Variants in LNX1 observed in about 807,000 individuals in gnomAD.
LNX1 encodes the protein E3 ubiquitin-protein ligase LNX.
In LNX1, 54 loss-of-function variants were observed where a neutral mutation model predicts 68.4. The observed-to-expected ratio is 0.79, with a 90% CI of 0.63 to 0.99. LNX1 has a LOEUF of 0.99. LNX1 is among the 50% of genes least tolerant of loss of function. The pLI is 0.00. For missense variants in LNX1, 906 were observed against 926.4 expected, an observed-to-expected ratio of 0.98 and a Z score of 0.29; for synonymous variants, 336 against 350.0, an observed-to-expected ratio of 0.96 and a Z score of 0.45.
chr4:53,564,684 C>A (rs1730521440), intron 2 of LNX1, among the ~76,000 whole-genome samples: 1 of 152,006 alleles, frequency 6.6e-6, no homozygotes, highest in African/African-American at 2.4e-5. Flanking sequence ...CAGCTCCCAG[C>A]CTGAGCGACA....
chr4:53,558,824 AC>A (rs887281664), intron 2 of LNX1, among the ~76,000 whole-genome samples: 16 of 152,096 alleles, frequency 1.1e-4, no homozygotes, highest in African/African-American at 3.4e-4. Context: ...CAGTCACCTT[AC>A]CTTTGAAATG....
chr4:53,575,949 G>A, intron 1 of LNX1: 1 of 1,564,150 alleles, frequency 6.4e-7, no homozygotes, highest in Non-Finnish European at 8.6e-7. Context: ...ACCTGCCGCA[G>A]GAGTGGCTGG....
At chr4:53,577,219 A>G (rs980547051) in intron 1 of LNX1, among the ~76,000 whole-genome samples, 1 of 152,210 alleles carries the variant, frequency 6.6e-6, no homozygotes, top group Non-Finnish European at 1.5e-5. Flanking sequence ...GGCCATGCAA[A>G]AGATTATCAT....
In LNX1 at chr4:53,559,829, A is replaced by AAT. The variant is rs59746479; in HGVS notation, c.380+13793_380+13794insAT. 2.9e-3 allele frequency among the ~76,000 whole-genome samples: 433 copies of AAT among 150,962 alleles called. 2 individuals carry two copies. The highest frequency in any genetic ancestry group is 9.9e-3 in the African/African-American group (405 of 41,112). ...TGCCTGGCTAAAAAAAAAAAAAAAA[A>AAT]TTAAAATCTTTTTCAGAGATGAGGG... On this transcript the variant is annotated intron_variant, in intron 2 of 10. Coordinates refer to ENST00000263925, the MANE Select transcript of LNX1 (RefSeq NM_001126328.3).
intron 1 of LNX1, among the ~76,000 whole-genome samples, chr4:53,588,228 A>G (rs1577765000): frequency 6.6e-6 from 1 of 152,188 alleles, no homozygotes; most frequent in African/African-American, 2.4e-5. Flanking sequence ...ATATTAAGGA[A>G]CTTATTTAGG....
chr4:53,569,121 C>A (rs1363201820), intron 2 of LNX1, among the ~76,000 whole-genome samples: 2 of 151,926 alleles, frequency 1.3e-5, no homozygotes, highest in Non-Finnish European at 2.9e-5. Context: ...CCATCCCCAT[C>A]AAGCTACCAA....
chr4:53,536,233 G>GT (rs1728363554), intron 2 of LNX1, among the ~76,000 whole-genome samples: 3 of 152,148 alleles, frequency 2.0e-5, no homozygotes, highest in Admixed American at 2.0e-4. Context: ...TCTCAGGTCA[G>GT]TCTCTTAGTG....
intron 9 of LNX1, among the ~76,000 whole-genome samples, chr4:53,463,584 T>C (rs1248669667): frequency 3.3e-5 from 5 of 152,018 alleles, no homozygotes; most frequent in African/African-American, 1.2e-4. Flanking sequence ...AAACTTTGAA[T>C]GTGAATGTTG....
At chr4:53,506,292 T>C (rs777062569) in intron 4 of LNX1, among the ~76,000 whole-genome samples, 4 of 152,204 alleles carry the variant, frequency 2.6e-5, no homozygotes, top group Non-Finnish European at 5.9e-5. Flanking sequence ...CACATCTAAA[T>C]GACTTAAAAC....
chr4:53,628,243 G>A (rs1734147143), intron 1 of LNX1, among the ~76,000 whole-genome samples: 1 of 152,088 alleles, frequency 6.6e-6, no homozygotes, highest in African/African-American at 2.4e-5. Flanking sequence ...TGCAAACTAT[G>A]CATCCAACAA....
intron 9 of LNX1, among the ~76,000 whole-genome samples, chr4:53,470,031 A>C (rs1579358768): frequency 6.6e-6 from 1 of 152,212 alleles, no homozygotes; most frequent in East Asian, 1.9e-4. Context: ...GGGCAGAGAC[A>C]CAACAAAAAA....
At chr4:53,526,583 C>T (rs916578941) in intron 2 of LNX1, among the ~76,000 whole-genome samples, 3 of 151,726 alleles carry the variant, frequency 2.0e-5, no homozygotes, top group African/African-American at 7.3e-5. Flanking sequence ...CTGTGCTACT[C>T]TGGAAGTAAA....
intron 2 of LNX1, among the ~76,000 whole-genome samples, chr4:53,515,446 C>G (rs1372021789): frequency 6.6e-6 from 1 of 152,102 alleles, no homozygotes; most frequent in East Asian, 1.9e-4. Context: ...CAATGCTAGT[C>G]TCTCCTTTCT....
In LNX1 at chr4:53,459,575, C is replaced by T. The variant is rs1416696450; in HGVS notation, c.*1332G>A. On this transcript the variant is annotated 3_prime_UTR_variant, in exon 11 of 11. Transcript: ENST00000263925. ...TCTGTTTGTTAGTATGAAAAGTTAA[C>T]TTTTTTTCCAAAATAAAAGAGTGAA... 10 of 1,368,370 alleles carry T rather than the reference C, an allele frequency of 7.3e-6. No homozygotes were observed. Among genetic ancestry groups the T allele is most frequent in the Non-Finnish European group, 9.1e-6 (9 of 986,024 alleles). The allele number at this position is 1,368,370 out of a possible 1,614,324, so 84.8% of individuals were successfully genotyped here. A position where few individuals can be genotyped will look rare whatever the true frequency, so the allele number is the denominator to read the frequency against.
intron 1 of LNX1, among the ~76,000 whole-genome samples, chr4:53,623,587 T>G (rs1733965618): frequency 6.6e-6 from 1 of 151,794 alleles, no homozygotes; most frequent in Admixed American, 6.6e-5. Context: ...TTGTTAAGAG[T>G]ATTGTGATTT....
intron 1 of LNX1, among the ~76,000 whole-genome samples, chr4:53,644,398 T>C (rs987382893): frequency 6.6e-6 from 1 of 152,044 alleles, no homozygotes; most frequent in African/African-American, 2.4e-5. Context: ...TGAGAGTCTA[T>C]CTCAAAACAA....
chr4:53,471,287 T>C (rs868694180), intron 9 of LNX1, among the ~76,000 whole-genome samples: 1 of 151,890 alleles, frequency 6.6e-6, no homozygotes, highest in African/African-American at 2.4e-5. Flanking sequence ...TGGCTAGCCA[T>C]ACGTAGAGAG....
At chr4:53,529,981 C>A (rs1360924498) in intron 2 of LNX1, among the ~76,000 whole-genome samples, 7 of 152,064 alleles carry the variant, frequency 4.6e-5, no homozygotes, top group Non-Finnish European at 1.0e-4. Context: ...ACTTTTCAGA[C>A]CTCAATATGG....
At chr4:53,486,396 T>C (rs561567073) in intron 6 of LNX1, among the ~76,000 whole-genome samples, 48 of 152,284 alleles carry the variant, frequency 3.2e-4, no homozygotes, top group African/African-American at 1.1e-3. Flanking sequence ...CCCTCTCTTT[T>C]TTCTACAGGC....
Sources: gnomAD v4.1 joint callset for allele counts (sites outside exome capture counted in the v4.1 genomes callset) on GRCh38, gnomAD v4.1.1 for gene constraint, MANE v1.5 for transcripts, NCBI Gene and HGNC (gene_info 2026-07-23, HGNC 2026-07-21) for gene names.